The following ELMO1 variants were observed in gnomAD, a reference collection of about 807,000 sequenced individuals.
The protein encoded by ELMO1 is engulfment and cell motility protein 1.
A neutral mutation model predicts 98.9 loss-of-function variants in ELMO1; 26 were observed. The ratio of observed to expected loss-of-function variants is 0.26; its 90% CI spans 0.19 to 0.36. The LOEUF (loss-of-function observed/expected upper bound fraction) is 0.36, where lower values mean the gene tolerates loss of function less well. Ranked by LOEUF, ELMO1 falls within the 10% of genes least tolerant of loss-of-function variation. The pLI is 1.00. For synonymous variants in ELMO1, 346 were observed against 346.0 expected (o/e 1.00, Z 0.00); for missense variants, 627 against 935.2 (o/e 0.67, Z 4.30).
intron 14 of ELMO1, among the ~76,000 whole-genome samples, chr7:37,103,642 C>G (rs535123684): frequency 1.3e-5 from 2 of 151,524 alleles, no homozygotes; most frequent in Non-Finnish European, 2.9e-5. Flanking sequence ...CTAACCTGCA[C>G]GTTGTGCACA....
chr7:37,008,340 C>T (rs775057558), intron 16 of ELMO1, among the ~76,000 whole-genome samples: 12 of 152,150 alleles, frequency 7.9e-5, no homozygotes, highest in East Asian at 1.9e-4. Context: ...GTGTTTCACA[C>T]GGGAAACTAA....
At chr7:37,391,505 C>G (rs1194575900) in intron 1 of ELMO1, among the ~76,000 whole-genome samples, 4 of 152,198 alleles carry the variant, frequency 2.6e-5, no homozygotes, top group African/African-American at 9.6e-5. Context: ...AAGTTGAGGA[C>G]TCTTATGTTC....
chr7:36,888,305 T>C (rs1390287544), intron 17 of ELMO1, among the ~76,000 whole-genome samples: 2 of 152,242 alleles, frequency 1.3e-5, no homozygotes, highest in African/African-American at 4.8e-5. Flanking sequence ...AGATCCATTA[T>C]GCTGCAAAGA....
chr7:37,082,490 G>A (rs1229489260), intron 15 of ELMO1, among the ~76,000 whole-genome samples: 1 of 152,098 alleles, frequency 6.6e-6, no homozygotes. Flanking sequence ...GCTTGCTCGA[G>A]TCCAGGAGTT....
chr7:37,128,946 G>C (rs1050167900), intron 14 of ELMO1, among the ~76,000 whole-genome samples: 2 of 152,110 alleles, frequency 1.3e-5, no homozygotes, highest in African/African-American at 4.8e-5. Flanking sequence ...TGTCCACGGT[G>C]CAAAGAGAGT....
At position 36,870,455 on chromosome 7, in the gene ELMO1, C is replaced by T. The variant is rs1282217627; in HGVS notation, c.1843G>A (p.Ala615Thr). 1 of 1,614,040 alleles carries T rather than the reference C, an allele frequency of 6.2e-7. No individual in the cohort carries two copies. Among genetic ancestry groups the T allele is most frequent in the African/African-American group, 1.3e-5 (1 of 75,032 alleles). The change falls in exon 20 of 22, where the codon GCC becomes ACC. Residue 615 changes from alanine (A) to threonine (T), a missense_variant. By Grantham distance (58) the Ala-to-Thr change is moderately conservative (BLOSUM62 0). Transcript: ENST00000310758. The surrounding 1 kb of genome is among the most constrained non-coding windows in gnomAD (Gnocchi z 4.4). ...GGGCAGTCCTTTCCCGTCACCACGG[C>T]TTTGATATCTGCCACCGGCACTGCA... ...QDKLPVADIK[A>T]VVTGKDCPHM...
chr7:37,090,303 G>C (rs531895911), intron 15 of ELMO1, among the ~76,000 whole-genome samples: 1 of 152,316 alleles, frequency 6.6e-6, no homozygotes, highest in East Asian at 1.9e-4. Flanking sequence ...CAGGACTGGG[G>C]TGAGCCTGTA....
intron 16 of ELMO1, among the ~76,000 whole-genome samples, chr7:36,929,003 T>C (rs570968522): frequency 2.6e-5 from 4 of 152,338 alleles, no homozygotes; most frequent in Admixed American, 6.5e-5. Context: ...GCCACTGAGC[T>C]ACATGCTGCA....
intron 20 of ELMO1, chr7:36,862,145 A>T (rs1802690318): frequency 9.4e-6 from 2 of 211,656 alleles, no homozygotes; most frequent in Non-Finnish European, 1.9e-5. Flanking sequence ...ACAAAAACCC[A>T]GTAAACTCCC....
At chr7:37,162,370 C>G (rs1440238260) in intron 13 of ELMO1, among the ~76,000 whole-genome samples, 2 of 152,192 alleles carry the variant, frequency 1.3e-5, no homozygotes, top group African/African-American at 4.8e-5. Context: ...ATTCCTTGCA[C>G]AAGGCCAGCT....
chr7:36,878,359 C>T (rs2129045092), intron 18 of ELMO1, among the ~76,000 whole-genome samples: 1 of 152,194 alleles, frequency 6.6e-6, no homozygotes, highest in East Asian at 1.9e-4. Flanking sequence ...ACTCTTCAAG[C>T]TCAATAGCAA....
chr7:36,904,340 T>G (rs1783801575), intron 16 of ELMO1, among the ~76,000 whole-genome samples: 1 of 152,234 alleles, frequency 6.6e-6, no homozygotes, highest in African/African-American at 2.4e-5. Flanking sequence ...GTGCTGCCAC[T>G]GCCTTGCTTG....
At chr7:37,260,665 A>G (rs1795931301) in intron 5 of ELMO1, among the ~76,000 whole-genome samples, 1 of 152,192 alleles carries the variant, frequency 6.6e-6, no homozygotes, top group Non-Finnish European at 1.5e-5. Flanking sequence ...CGAGACAGGG[A>G]TAGAACCCAT....
chr7:36,871,924 A>G (rs1201068346), intron 19 of ELMO1, among the ~76,000 whole-genome samples: 1 of 152,144 alleles, frequency 6.6e-6, no homozygotes, highest in Non-Finnish European at 1.5e-5. Flanking sequence ...CTGTAACCCT[A>G]AGAGTGGGGT....
chr7:37,410,665 TC>T (rs1258216411), intron 1 of ELMO1, among the ~76,000 whole-genome samples: 1 of 152,164 alleles, frequency 6.6e-6, no homozygotes, highest in African/African-American at 2.4e-5. Context: ...AATCACTTTC[TC>T]CATTCAAACA....
chr7:37,302,981 C>T (rs1798423884), intron 4 of ELMO1, among the ~76,000 whole-genome samples: 1 of 152,150 alleles, frequency 6.6e-6, no homozygotes, highest in Admixed American at 6.5e-5. Flanking sequence ...GTTCATCTTC[C>T]TCTTATCTCT....
chr7:37,316,808 C>T (rs1387169987), intron 2 of ELMO1, among the ~76,000 whole-genome samples: 1 of 152,062 alleles, frequency 6.6e-6, no homozygotes, highest in Non-Finnish European at 1.5e-5. Flanking sequence ...ATACATGGTC[C>T]TGGATTTTCA....
At chr7:37,040,574 C>A (rs919458961) in intron 15 of ELMO1, among the ~76,000 whole-genome samples, 1 of 152,160 alleles carries the variant, frequency 6.6e-6, no homozygotes, top group East Asian at 1.9e-4. Context: ...CCCCAGTGTA[C>A]GGCTTTGTTT....
At chr7:36,911,435 T>A (rs1043252332) in intron 16 of ELMO1, among the ~76,000 whole-genome samples, 2 of 152,160 alleles carry the variant, frequency 1.3e-5, no homozygotes, top group Non-Finnish European at 2.9e-5. Flanking sequence ...TAAAATACAC[T>A]TGGTAAATAA....
Sources: gnomAD v4.1 joint callset for allele counts (sites outside exome capture counted in the v4.1 genomes callset) on GRCh38, gnomAD v4.1.1 for gene constraint, Gnocchi (gnomAD v3.1) non-coding constraint, MANE v1.5 for transcripts, NCBI Gene and HGNC (gene_info 2026-07-23, HGNC 2026-07-21) for gene names.